Variants in KCNN2 observed in about 807,000 individuals in gnomAD.
KCNN2 encodes potassium calcium-activated channel subfamily N member 2.
A neutral mutation model predicts 55.5 loss-of-function variants in KCNN2; 24 were observed. The ratio of observed to expected loss-of-function variants is 0.43; its 90% CI spans 0.31 to 0.61. The LOEUF is 0.61. KCNN2 is among the 20% of genes least tolerant of loss of function. The pLI is 0.08. For missense variants in KCNN2, 754 were observed against 853.6 expected (o/e 0.88, Z 1.45); for synonymous variants, 431 against 336.1 (o/e 1.28, Z -3.09).
intron 1 of KCNN2, among the ~76,000 whole-genome samples, chr5:114,102,394 C>T (rs746984454): frequency 4.6e-5 from 7 of 151,866 alleles, no homozygotes; most frequent in Non-Finnish European, 1.0e-4. Flanking sequence ...ATTGCCTGTT[C>T]ACTCTAATGA....
chr5:114,330,682 C>T (rs1038639433), intron 2 of KCNN2, among the ~76,000 whole-genome samples: 1 of 152,172 alleles, frequency 6.6e-6, no homozygotes, highest in Non-Finnish European at 1.5e-5. Context: ...AATTCCCACT[C>T]AACCTTTGGA....
intron 2 of KCNN2, among the ~76,000 whole-genome samples, chr5:114,291,738 T>G (rs996002507): frequency 4.1e-4 from 62 of 152,240 alleles, no homozygotes; most frequent in African/African-American, 1.4e-3. Flanking sequence ...ATGGTATTTC[T>G]AGTTCTAGAT....
chr5:114,058,984 GA>G (rs1185693979), intron 1 of KCNN2, among the ~76,000 whole-genome samples: 2 of 152,178 alleles, frequency 1.3e-5, no homozygotes, highest in Admixed American at 6.5e-5. Flanking sequence ...CTCTTGCCAG[GA>G]AATGTCCCAG....
In KCNN2 at chr5:114,362,937, C is replaced by G. The variant is rs773567446; in HGVS notation, c.798C>G (p.Ala266=). 2 of 1,547,010 alleles carry G rather than the reference C, an allele frequency of 1.3e-6. No homozygotes were observed. Among genetic ancestry groups the G allele is most frequent in the African/African-American group, 2.7e-5 (2 of 73,788 alleles). The stretch of plus-strand genomic sequence containing the variant: ...CGTCCTCCCCGTCTGCAGCCGCTGC[C>G]GCCGCCGCCGCTGTTTCGTCCTCAG... The part of the protein sequence containing the change: ...GGASSPSAAA[A]AAAAVSSSAP... The change falls in exon 1 of 8, where the codon GCC becomes GCG. Residue 266 remains alanine, a synonymous_variant. Transcript: ENST00000673685.
intron 1 of KCNN2, among the ~76,000 whole-genome samples, chr5:114,184,332 A>C (rs893751384): frequency 1.3e-5 from 2 of 152,190 alleles, no homozygotes; most frequent in Admixed American, 1.3e-4. Context: ...ATATTATCAG[A>C]TTGGCAGCAA....
chr5:114,283,148 T>TCTTTC (rs1022484015), intron 2 of KCNN2, among the ~76,000 whole-genome samples: 2 of 152,192 alleles, frequency 1.3e-5, no homozygotes, highest in African/African-American at 4.8e-5. Context: ...GCCTCATTTT[T>TCTTTC]CTTTCCTTTC....
At chr5:114,135,361 G>A (rs1752153894) in intron 1 of KCNN2, among the ~76,000 whole-genome samples, 1 of 152,110 alleles carries the variant, frequency 6.6e-6, no homozygotes, top group Non-Finnish European at 1.5e-5. Context: ...ACTAGGTGTT[G>A]CTAAACTGGG....
At chr5:114,278,625 C>T (rs1207705754) in intron 2 of KCNN2, among the ~76,000 whole-genome samples, 2 of 152,224 alleles carry the variant, frequency 1.3e-5, no homozygotes, top group Non-Finnish European at 2.9e-5. Context: ...CCATCTCAGA[C>T]TTCTGCACTA....
At chr5:114,447,758 G>A (rs1326979651) in intron 3 of KCNN2, among the ~76,000 whole-genome samples, 1 of 152,184 alleles carries the variant, frequency 6.6e-6, no homozygotes, top group African/African-American at 2.4e-5. Flanking sequence ...ATTTGTCATT[G>A]CTAGTCATTT....
At chr5:114,156,975 G>A (rs1752648364) in intron 1 of KCNN2, among the ~76,000 whole-genome samples, 1 of 151,512 alleles carries the variant, frequency 6.6e-6, no homozygotes, top group South Asian at 2.1e-4. Context: ...GATTTTACTG[G>A]AAATGCACTT....
At chr5:114,356,040 G>A (rs1284238484) in intron 2 of KCNN2, among the ~76,000 whole-genome samples, 2 of 152,074 alleles carry the variant, frequency 1.3e-5, no homozygotes, top group East Asian at 1.9e-4. Flanking sequence ...TGTCTGTGAG[G>A]CCCTTCACAG....
chr5:114,103,697 C>T (rs548204440), intron 1 of KCNN2, among the ~76,000 whole-genome samples: 1 of 152,138 alleles, frequency 6.6e-6, no homozygotes, highest in African/African-American at 2.4e-5. Context: ...TGGTGTTTGT[C>T]ATTGTTTCTG....
chr5:114,254,218 G>T (rs886970500), intron 2 of KCNN2, among the ~76,000 whole-genome samples: 1 of 151,916 alleles, frequency 6.6e-6, no homozygotes, highest in Non-Finnish European at 1.5e-5. Context: ...AATACGAAAA[G>T]ATAGAAAATA....
intron 2 of KCNN2, among the ~76,000 whole-genome samples, chr5:114,296,558 T>C (rs13178721): frequency 0.2 from 30,638 of 152,210 alleles, 3,261 homozygotes; most frequent in Admixed American, 0.25. Flanking sequence ...TTAATTATTA[T>C]CATTAAAAAT....
chr5:114,247,691 C>T (rs1426123672), intron 2 of KCNN2, among the ~76,000 whole-genome samples: 2 of 152,150 alleles, frequency 1.3e-5, no homozygotes, highest in African/African-American at 2.4e-5. Context: ...ATTTGTCAGA[C>T]TACCTTAAGT....
intron 3 of KCNN2, among the ~76,000 whole-genome samples, chr5:114,454,360 C>G (rs1385233303): frequency 1.3e-5 from 2 of 152,028 alleles, no homozygotes; most frequent in Non-Finnish European, 2.9e-5. Flanking sequence ...ATTTGCCATT[C>G]TCTCGTATTA....
intron 2 of KCNN2, among the ~76,000 whole-genome samples, chr5:114,222,723 A>G (rs1375767036): frequency 6.6e-6 from 1 of 152,192 alleles, no homozygotes; most frequent in Non-Finnish European, 1.5e-5. Flanking sequence ...TGAATGAGAC[A>G]TTAATGTTAA....
At chr5:114,200,357 T>C (rs79305116) in intron 1 of KCNN2, among the ~76,000 whole-genome samples, 3,835 of 151,496 alleles carry the variant, frequency 0.025, 150 homozygotes, top group African/African-American at 0.087. Flanking sequence ...ATTTCTGCTT[T>C]TTTTTTTCTT....
intron 5 of KCNN2, among the ~76,000 whole-genome samples, chr5:114,479,147 G>C (rs1004759006): frequency 6.0e-5 from 9 of 151,068 alleles, no homozygotes; most frequent in African/African-American, 2.2e-4. Flanking sequence ...CTGTCTTCAA[G>C]AGACCCTCTC....
Sources: allele counts gnomAD v4.1 joint callset (sites outside exome capture counted in the v4.1 genomes callset), GRCh38; gene constraint gnomAD v4.1.1; transcripts MANE v1.5; gene names NCBI Gene and HGNC (gene_info 2026-07-23, HGNC 2026-07-21).